LUZP2: variants seen among roughly 807,000 people sequenced by gnomAD.
The protein encoded by LUZP2 is leucine zipper protein 2.
LUZP2 carries 52 observed loss-of-function variants against 51.6 expected under a neutral mutation model. The observed-to-expected ratio is 1.01, with a 90% confidence interval of 0.81 to 1.27. The LOEUF (loss-of-function observed/expected upper bound fraction) is 1.27, where lower values mean the gene tolerates loss of function less well. LUZP2 is among the 50% of genes most tolerant of loss of function. The pLI, the probability that LUZP2 is intolerant of heterozygous loss-of-function variation, is 0.00. For synonymous variants in LUZP2, 154 were observed against 137.3 expected (o/e 1.12, Z -0.85); for missense variants, 436 against 395.4 (o/e 1.10, Z -0.87).
At chr11:24,909,466 C>T (rs1446258722) in intron 6 of LUZP2, among the ~76,000 whole-genome samples, 4 of 151,136 alleles carry the variant, frequency 2.6e-5, no homozygotes, top group African/African-American at 9.7e-5. Flanking sequence ...TAATCTCCCA[C>T]TCTCCCTTGA....
chr11:24,920,068 C>T (rs1324896528), intron 7 of LUZP2, among the ~76,000 whole-genome samples: 1 of 151,670 alleles, frequency 6.6e-6, no homozygotes, highest in Non-Finnish European at 1.5e-5. Flanking sequence ...AGATTTAAGT[C>T]ACTTGATTTT....
intron 10 of LUZP2, among the ~76,000 whole-genome samples, chr11:25,061,421 T>A (rs1858833970): frequency 2.0e-5 from 3 of 152,130 alleles, no homozygotes; most frequent in Admixed American, 2.0e-4. Flanking sequence ...AGAGGCAGTG[T>A]TTAATCATTT....
chr11:25,080,430 C>A lies in LUZP2; in HGVS notation c.*1772C>A, dbSNP rs1465039309. On this transcript the variant is annotated 3_prime_UTR_variant, in exon 12 of 12. Transcript: ENST00000336930. ...TTTGACTTCTTTATCTGTATGTAAT[C>A]CTATTGTTAAATCAAGGAGCATTCA... 1 of 151,894 alleles carries A rather than the reference C, an allele frequency of 6.6e-6. No homozygotes were observed. The highest frequency in any genetic ancestry group is 2.4e-5 in the African/African-American group (1 of 41,380). The allele number at this position is 151,894 out of a possible 1,614,324, so 9.4% of individuals were successfully genotyped here.
intron 5 of LUZP2, among the ~76,000 whole-genome samples, chr11:24,835,734 ATGT>A (rs1209532996): frequency 2.6e-5 from 4 of 152,088 alleles, no homozygotes. Flanking sequence ...GGGCTGAGAA[ATGT>A]TGTAATTATT....
intron 5 of LUZP2, among the ~76,000 whole-genome samples, chr11:24,783,269 C>A (rs546373434): frequency 6.6e-6 from 1 of 151,992 alleles, no homozygotes; most frequent in South Asian, 2.1e-4. Context: ...CCATGCATTT[C>A]TTCTTTTCTA....
Position 24,884,674 on chromosome 11 carries a change from C to G in LUZP2, c.397-21317C>G, listed in dbSNP as rs189471889. Among the ~76,000 whole-genome samples the G allele has an allele frequency of 2.0e-5, 3 of 152,120 alleles. No homozygotes were observed. The East Asian group carries it at 5.8e-4, about 29-fold the overall frequency. ...TGTAGAACTACAAGAACTAGAACTACTAGAACTAGTACAAACTTTTCCCCC... is the reference window on the plus strand; with the variant it reads ...TGTAGAACTACAAGAACTAGAACTAGTAGAACTAGTACAAACTTTTCCCCC... On this transcript the variant is annotated intron_variant, in intron 5 of 11. Transcript: ENST00000336930.
intron 5 of LUZP2, among the ~76,000 whole-genome samples, chr11:24,888,288 T>G (rs990969809): frequency 7.9e-5 from 12 of 152,230 alleles, no homozygotes; most frequent in African/African-American, 2.6e-4. Flanking sequence ...CTGTACAAAG[T>G]CCTTCCAATA....
intron 3 of LUZP2, among the ~76,000 whole-genome samples, chr11:24,736,061 T>G (rs565153121): frequency 1.1e-4 from 16 of 152,092 alleles, no homozygotes; most frequent in Admixed American, 3.3e-4. Flanking sequence ...GATAGTGTTC[T>G]TTGGCAGGAA....
intron 1 of LUZP2, among the ~76,000 whole-genome samples, chr11:24,582,354 GAAAT>G (rs569343134): frequency 1.5e-3 from 162 of 111,106 alleles, no homozygotes; most frequent in African/African-American, 4.2e-3. Flanking sequence ...GAGATTAATA[GAAAT>G]AAATAGAGAG....
chr11:24,862,564 A>T (rs185983619), intron 5 of LUZP2, among the ~76,000 whole-genome samples: 2 of 152,326 alleles, frequency 1.3e-5, no homozygotes, highest in African/African-American at 4.8e-5. Context: ...ATGGGCTAAA[A>T]GTCCCAGTTA....
At chr11:24,610,623 A>G (rs1283344476) in intron 1 of LUZP2, among the ~76,000 whole-genome samples, 1 of 152,196 alleles carries the variant, frequency 6.6e-6, no homozygotes. Context: ...TTCTACTTAA[A>G]GAGTAAACTT....
intron 4 of LUZP2, among the ~76,000 whole-genome samples, chr11:24,742,495 ATCT>A (rs1282160594): frequency 1.3e-5 from 2 of 152,052 alleles, no homozygotes; most frequent in African/African-American, 4.8e-5. Context: ...CAATTTGTAT[ATCT>A]TCTTTTGAGA....
At chr11:24,761,618 T>C (rs1428705207) in intron 4 of LUZP2, among the ~76,000 whole-genome samples, 1 of 152,288 alleles carries the variant, frequency 6.6e-6, no homozygotes, top group African/African-American at 2.4e-5. Flanking sequence ...TACTGCTCTA[T>C]GAGAGAAAAA....
At chr11:24,603,042 T>C (rs73433030) in intron 1 of LUZP2, among the ~76,000 whole-genome samples, 425 of 151,982 alleles carry the variant, frequency 2.8e-3, no homozygotes, top group African/African-American at 9.9e-3. Flanking sequence ...TAAAGTAAAA[T>C]GTAGTTATTA....
intron 5 of LUZP2, among the ~76,000 whole-genome samples, chr11:24,783,916 C>T (rs1471862): frequency 0.58 from 88,252 of 151,450 alleles, 26,583 homozygotes; most frequent in Non-Finnish European, 0.68. Context: ...GTTGCTGTTG[C>T]TGTTGTTGTT....
At chr11:24,977,754 T>C (rs1397632893) in intron 8 of LUZP2, among the ~76,000 whole-genome samples, 1 of 151,674 alleles carries the variant, frequency 6.6e-6, no homozygotes, top group Non-Finnish European at 1.5e-5. Flanking sequence ...TACACTATGT[T>C]TAACATTATA....
At chr11:24,818,399 A>G (rs1036342823) in intron 5 of LUZP2, among the ~76,000 whole-genome samples, 5 of 152,058 alleles carry the variant, frequency 3.3e-5, no homozygotes, top group Admixed American at 2.6e-4. Flanking sequence ...GGTTTTTAGA[A>G]ATTGGCATGG....
intron 8 of LUZP2, 109 bp from the exon 9 acceptor site, chr11:24,983,017 G>A (rs1856082632): frequency 1.0e-6 from 1 of 993,662 alleles, no homozygotes; most frequent in Non-Finnish European, 1.5e-6. Context: ...CATTTGAAAA[G>A]TGATATGTAT....
chr11:24,853,742 TC>T (rs1043703467), intron 5 of LUZP2, among the ~76,000 whole-genome samples: 6 of 152,190 alleles, frequency 3.9e-5, no homozygotes, highest in Admixed American at 6.5e-5. Context: ...CTCTGTTTTT[TC>T]CTCATCCTCA....
Sources: gnomAD v4.1 joint callset for allele counts (sites outside exome capture counted in the v4.1 genomes callset) on GRCh38, gnomAD v4.1.1 for gene constraint, MANE v1.5 for transcripts, NCBI Gene and HGNC (gene_info 2026-07-23, HGNC 2026-07-21) for gene names.